The following UBE2U variants were observed in gnomAD, a reference collection of about 807,000 sequenced individuals.
The protein encoded by UBE2U is ubiquitin-conjugating enzyme E2 U.
Under a neutral mutation model 41.2 loss-of-function variants are expected in UBE2U, and 39 were observed. That is an observed-to-expected ratio of 0.95 (90% CI 0.73 to 1.24). UBE2U has a LOEUF of 1.24. Among genes scored for constraint, UBE2U ranks in the 50% most tolerant of loss-of-function variants. The pLI, the probability that UBE2U is intolerant of heterozygous loss-of-function variation, is 0.00. For missense variants in UBE2U, 336 were observed against 363.1 expected, an observed-to-expected ratio of 0.93 and a Z score of 0.61; for synonymous variants, 107 against 117.8, an observed-to-expected ratio of 0.91 and a Z score of 0.60.
At chr1:64,231,574 T>C (rs1226372181) in intron 6 of UBE2U, among the ~76,000 whole-genome samples, 1 of 152,218 alleles carries the variant, frequency 6.6e-6, no homozygotes, top group Admixed American at 6.5e-5. Context: ...AACAACACTT[T>C]CGAAAAATGT....
At chr1:64,235,680 T>A (rs1027218834) in intron 7 of UBE2U, among the ~76,000 whole-genome samples, 1 of 152,208 alleles carries the variant, frequency 6.6e-6, no homozygotes, top group Non-Finnish European at 1.5e-5. Flanking sequence ...TGGTAAGTAG[T>A]TAAATTTTGA....
chr1:64,208,183 T>C (rs1651422405), intron 3 of UBE2U, among the ~76,000 whole-genome samples: 1 of 152,222 alleles, frequency 6.6e-6, no homozygotes, highest in African/African-American at 2.4e-5. Context: ...TCATGACCTT[T>C]TGAGGAAGTA....
At chr1:64,249,239 G>A (rs1053027793) in intron 8 of UBE2U, among the ~76,000 whole-genome samples, 3 of 151,908 alleles carry the variant, frequency 2.0e-5, no homozygotes, top group Non-Finnish European at 4.4e-5. Context: ...TTAGCCAGGC[G>A]CAGTGGTGGG....
chr1:64,243,606 T>G (rs1644871270), intron 8 of UBE2U, among the ~76,000 whole-genome samples: 1 of 152,174 alleles, frequency 6.6e-6, no homozygotes, highest in African/African-American at 2.4e-5. Flanking sequence ...AAATGTAAAT[T>G]GAGAACCCTG....
chr1:64,207,362 G>A (rs1051187609), intron 3 of UBE2U, among the ~76,000 whole-genome samples: 1 of 152,198 alleles, frequency 6.6e-6, no homozygotes, highest in African/African-American at 2.4e-5. Context: ...TGTTGGCCAA[G>A]CTGGTCTTGA....
chr1:64,250,816 A>G (rs1040045807), intron 8 of UBE2U, among the ~76,000 whole-genome samples: 1 of 151,594 alleles, frequency 6.6e-6, no homozygotes, highest in African/African-American at 2.4e-5. Flanking sequence ...TGCAAGGACA[A>G]AAAACCAAAC....
intron 7 of UBE2U, among the ~76,000 whole-genome samples, chr1:64,233,242 C>T (rs900042827): frequency 1.1e-4 from 17 of 151,982 alleles, no homozygotes; most frequent in Non-Finnish European, 1.3e-4. Context: ...CTCCTGACCT[C>T]GTGATCCGCC....
At chr1:64,265,041 G>T (rs1645235385) in intron 9 of UBE2U, among the ~76,000 whole-genome samples, 1 of 152,150 alleles carries the variant, frequency 6.6e-6, no homozygotes, top group African/African-American at 2.4e-5. Flanking sequence ...TCAGGGGATG[G>T]TTTTGCCGTC....
intron 8 of UBE2U, among the ~76,000 whole-genome samples, chr1:64,248,478 C>A (rs1472170446): frequency 6.6e-6 from 1 of 151,986 alleles, no homozygotes; most frequent in East Asian, 1.9e-4. Flanking sequence ...ACATGTAAAG[C>A]TCCTTTTCAA....
chr1:64,257,112 C>G (rs1645106164), intron 8 of UBE2U, among the ~76,000 whole-genome samples: 1 of 152,118 alleles, frequency 6.6e-6, no homozygotes, highest in Non-Finnish European at 1.5e-5. Context: ...CAAAAAACAA[C>G]AGATGCTGGC....
intron 8 of UBE2U, among the ~76,000 whole-genome samples, chr1:64,256,144 T>C (rs1258389543): frequency 6.6e-6 from 1 of 152,076 alleles, no homozygotes; most frequent in Non-Finnish European, 1.5e-5. Flanking sequence ...GGAAAAACAT[T>C]CCATGCTCAT....
rs1645267666 is a variant in UBE2U at position 64,267,190 on chromosome 1, A to G, written c.936A>G (p.Thr312=). ...TCTCCTGGACCAATACTCTCAATAC[A>G]AATACTTCAGAAGATTAAGCAGAAC... ...DLISWTNTLN[T]NTSED is the part of the protein sequence containing the mutation. The change falls in exon 10 of 10, where the codon ACA becomes ACG. Residue 312 remains threonine (T), a synonymous_variant. Coordinates refer to ENST00000371077, the MANE Select transcript of UBE2U (RefSeq NM_001366232.2). 3.3e-6 allele frequency: 5 copies of G among 1,530,572 alleles called. No individual in the cohort carries two copies. Among genetic ancestry groups the G allele is most frequent in the African/African-American group, 2.8e-5 (2 of 71,820 alleles). 94.8% of individuals were successfully genotyped at this position (1,530,572 alleles called of 1,614,324 possible). A position where few individuals can be genotyped will look rare whatever the true frequency, so the allele number is the denominator to read the frequency against.
At chr1:64,256,134 G>A (rs1645087051) in intron 8 of UBE2U, among the ~76,000 whole-genome samples, 1 of 152,024 alleles carries the variant, frequency 6.6e-6, no homozygotes, top group African/African-American at 2.4e-5. Flanking sequence ...ACAAACAAAT[G>A]GAAAAACATT....
rs562355113 is a variant in UBE2U, at chr1:64,241,536, G to A, written c.596-116G>A. The A allele has an allele frequency of 2.3e-4, 158 of 699,800 alleles. 1 individual carries two copies. The highest frequency in any genetic ancestry group is 1.8e-3 in the South Asian group (95 of 54,166). 43.3% of individuals were successfully genotyped at this position (699,800 alleles called of 1,614,324 possible). A position where few individuals can be genotyped will look rare whatever the true frequency, so the allele number is the denominator to read the frequency against. ...ATTGTAATATGACTTGAATTATATAGTGCATGTTATTGCCACATATCAAGT... is the reference window on the plus strand; with the variant it reads ...ATTGTAATATGACTTGAATTATATAATGCATGTTATTGCCACATATCAAGT... On this transcript the variant is annotated intron_variant, in intron 7 of 9. Coordinates refer to ENST00000371077, the MANE Select transcript of UBE2U (RefSeq NM_001366232.2).
intron 2 of UBE2U, among the ~76,000 whole-genome samples, chr1:64,206,162 T>C (rs1042615351): frequency 6.6e-6 from 1 of 152,194 alleles, no homozygotes; most frequent in Admixed American, 6.5e-5. Flanking sequence ...ACTAAGCCAC[T>C]ATAAACTTTA....
intron 6 of UBE2U, among the ~76,000 whole-genome samples, chr1:64,228,598 A>G (rs1653043072): frequency 6.6e-6 from 1 of 152,076 alleles, no homozygotes; most frequent in African/African-American, 2.4e-5. Flanking sequence ...GAAGAGCTTC[A>G]AGTTCTATTT....
At chr1:64,215,643 GA>G (rs113315381) in intron 5 of UBE2U, 108 of 152,198 alleles carry the variant, frequency 7.1e-4, no homozygotes, top group Middle Eastern at 6.8e-3. Context: ...AGATGTCAAT[GA>G]TTTTTTTCCG....
chr1:64,236,554 T>C (rs868417406), intron 7 of UBE2U, among the ~76,000 whole-genome samples: 5 of 152,208 alleles, frequency 3.3e-5, no homozygotes, highest in South Asian at 4.1e-4. Flanking sequence ...TATATGGTTG[T>C]GGGCAACAGA....
chr1:64,224,893 TAAATG>T (rs1652755673), intron 6 of UBE2U, among the ~76,000 whole-genome samples: 1 of 150,138 alleles, frequency 6.7e-6, no homozygotes, highest in African/African-American at 2.5e-5. Flanking sequence ...CAATAAAAAA[TAAATG>T]AAAAGAGTGC....
Sources: gnomAD v4.1 joint callset for allele counts (sites outside exome capture counted in the v4.1 genomes callset) on GRCh38, gnomAD v4.1.1 for gene constraint, MANE v1.5 for transcripts, NCBI Gene and HGNC (gene_info 2026-07-23, HGNC 2026-07-21) for gene names.